The following ZNF782 variants were observed in gnomAD, a reference collection of about 807,000 sequenced individuals.
The protein encoded by ZNF782 is zinc finger protein 782.
In ZNF782, 12 loss-of-function variants were observed where a neutral mutation model predicts 13.0. The observed-to-expected ratio is 0.92, with a 90% CI of 0.59 to 1.50. The LOEUF is 1.50. Among genes scored for constraint, ZNF782 ranks in the 40% most tolerant of loss-of-function variants. The pLI is 0.00. For synonymous variants in ZNF782, 284 were observed against 283.0 expected (o/e 1.00, Z -0.04); for missense variants, 770 against 822.9 (o/e 0.94, Z 0.79).
At chr9:96,920,233 A>ATT in the ZNF782 span, among the ~76,000 whole-genome samples, 3 of 149,470 alleles carry the variant, frequency 2.0e-5, no homozygotes, top group Admixed American at 6.7e-5. Flanking sequence ...CTCTAAATGC[A>ATT]GTGGATAGGT....
chr9:96,850,204 G>A lies in ZNF782; in HGVS notation c.15+1743C>T, dbSNP rs1851448500. On this transcript the variant is annotated intron_variant, in intron 3 of 5. Transcript: ENST00000481138. The surrounding 1 kb of genome is among the most constrained non-coding windows in gnomAD (Gnocchi z 4.3). ...GTCATCATAAATGAAAAAGAAACCA[G>A]CACACGTTTGTAGCAGCACGATTCA... 6.6e-6 allele frequency among the ~76,000 whole-genome samples: 1 copy of A among 152,148 alleles called. No individual in the cohort carries two copies.
chr9:96,912,032 A>T, the ZNF782 span, among the ~76,000 whole-genome samples: 1 of 149,600 alleles, frequency 6.7e-6, no homozygotes, highest in Admixed American at 6.6e-5. Flanking sequence ...AAACCCTATC[A>T]CTACTAAAAA....
In ZNF782 at chr9:96,816,774, T is replaced by C. The variant is rs1483574414; in HGVS notation, c.*1149A>G. ...GTCTGTGTGTGTGAAGAATTTCCTA[T>C]ATTTGTTAAAATGTCAGATTTCTTA... On this transcript the variant is annotated 3_prime_UTR_variant, in exon 6 of 6. Coordinates refer to ENST00000481138, the MANE Select transcript of ZNF782 (RefSeq NM_001001662.3). The C allele has an allele frequency of 3.3e-5, 5 of 152,304 alleles. No homozygotes were observed. The highest frequency in any genetic ancestry group is 7.2e-5 in the African/African-American group (3 of 41,554). The allele number at this position is 152,304 out of a possible 1,614,324, so 9.4% of individuals were successfully genotyped here. A position where few individuals can be genotyped will look rare whatever the true frequency, so the allele number is the denominator to read the frequency against.
intron 1 of ZNF782, among the ~76,000 whole-genome samples, chr9:96,863,114 C>T (rs1851721558): frequency 6.6e-6 from 1 of 151,924 alleles, no homozygotes; most frequent in Non-Finnish European, 1.5e-5. Flanking sequence ...CAACAAAGTA[C>T]TTAACATACA....
At chr9:96,929,118 G>T in the ZNF782 span, 1 of 1,592,862 alleles carries the variant, frequency 6.3e-7, no homozygotes, top group Non-Finnish European at 8.6e-7. Flanking sequence ...AACTGTCCCT[G>T]GGGACAGCTT....
the ZNF782 span, chr9:96,931,928 G>T: frequency 6.2e-7 from 1 of 1,612,036 alleles, no homozygotes. Context: ...CGGCCCAAGT[G>T]GGGCTGGGGC....
chr9:96,873,194 C>A (rs1851848018), intron 1 of ZNF782, among the ~76,000 whole-genome samples: 1 of 151,950 alleles, frequency 6.6e-6, no homozygotes, highest in Admixed American at 6.6e-5. Flanking sequence ...AAGGTAAAAT[C>A]TTTAAATAAC....
At chr9:96,822,280 TA>T (rs1440324745) in intron 5 of ZNF782, among the ~76,000 whole-genome samples, 1 of 152,030 alleles carries the variant, frequency 6.6e-6, no homozygotes, top group Non-Finnish European at 1.5e-5. Flanking sequence ...ACAATATTAT[TA>T]AAAATACTTA....
At chr9:96,823,905 A>G (rs1415864451) in intron 5 of ZNF782, among the ~76,000 whole-genome samples, 1 of 152,174 alleles carries the variant, frequency 6.6e-6, no homozygotes, top group Non-Finnish European at 1.5e-5. Flanking sequence ...AATTGTGGCA[A>G]TAATCAATAG....
chr9:96,885,288 A>T, the ZNF782 span, among the ~76,000 whole-genome samples: 1,403 of 152,260 alleles, frequency 9.2e-3, 52 homozygotes, highest in East Asian at 0.1. Context: ...CACCAAAGAA[A>T]CAAAAATTAC....
At chr9:96,844,783 C>T in intron 4 of ZNF782, 107 bp downstream of exon 4, 1 of 1,519,484 alleles carries the variant, frequency 6.6e-7, no homozygotes, top group Admixed American at 1.8e-5. Context: ...AAAAGGAAAA[C>T]CAGAATTGCA....
rs1189814675 is a variant in ZNF782 at position 96,844,963 on chromosome 9, C to A, written c.69G>T (p.Gln23His). ...VTVEFSQEEWQHMGPVERTLY... is the reference protein window; with the variant it reads ...VTVEFSQEEWHHMGPVERTLY... ...GGGTCCTCTCAACAGGGCCCATGTG[C>A]TGCCACTCCTCCTGGCTGAATTCCA... is the stretch of plus-strand genomic sequence containing the variant. Residue 23 changes from glutamine (Q) to histidine (H), a missense_variant, in exon 4 of 6, where the codon CAG becomes CAT. By Grantham distance (24) the Gln-to-His change is conservative. Coordinates refer to ENST00000481138, the MANE Select transcript of ZNF782 (RefSeq NM_001001662.3). 6.2e-7 allele frequency: 1 copy of A among 1,614,036 alleles called. No individual in the cohort carries two copies. The highest frequency in any genetic ancestry group is 1.7e-5 in the Admixed American group (1 of 60,022).
chr9:96,931,702 T>C, the ZNF782 span: 1 of 1,611,186 alleles, frequency 6.2e-7, no homozygotes, highest in Non-Finnish European at 8.5e-7. Context: ...CTCATTCACC[T>C]CTTTCCTTTG....
chr9:96,894,811 T>C, the ZNF782 span: 1 of 152,320 alleles, frequency 6.6e-6, no homozygotes, highest in Non-Finnish European at 1.5e-5. Context: ...CACTGTACCC[T>C]CAAACTCCTG....
Position 96,818,645 on chromosome 9 carries a change from T to A in ZNF782, c.1378A>T (p.Asn460Tyr). 2 of 1,613,920 alleles carry A rather than the reference T, an allele frequency of 1.2e-6. No individual in the cohort carries two copies. Among genetic ancestry groups the A allele is most frequent in the Non-Finnish European group, 1.7e-6 (2 of 1,179,972 alleles). Residue 460 changes from asparagine (N) to tyrosine (Y), a missense_variant, in exon 6 of 6, where the codon AAC becomes TAC. Asn to Tyr is a moderately radical substitution (Grantham distance 143). Transcript: ENST00000481138. ...FECHECGKSF[N>Y]YKSILIVHQR... ...TGCACTATGAGGATTGACTTATAGTTAAAAGATTTCCCACATTCATGACAT... is the reference window on the plus strand; with the variant it reads ...TGCACTATGAGGATTGACTTATAGTAAAAAGATTTCCCACATTCATGACAT...
upstream of ZNF782, among the ~76,000 whole-genome samples, chr9:96,879,386 C>T (rs1241664338): frequency 6.6e-6 from 1 of 152,174 alleles, no homozygotes; most frequent in East Asian, 1.9e-4. Flanking sequence ...GCCTGTAGTC[C>T]CAGCTACTCG....
At chr9:96,869,803 T>C (rs1489216658) in intron 1 of ZNF782, among the ~76,000 whole-genome samples, 1 of 152,208 alleles carries the variant, frequency 6.6e-6, no homozygotes, top group Non-Finnish European at 1.5e-5. Flanking sequence ...ATTAGACTTA[T>C]TTGACATTCC....
chr9:96,819,750 C>T lies in ZNF782; in HGVS notation c.273G>A (p.Glu91=). 3.1e-6 allele frequency: 5 copies of T among 1,605,948 alleles called. No homozygotes were observed. The highest frequency in any genetic ancestry group is 4.2e-6 in the Non-Finnish European group (5 of 1,177,142). ...PEDSQPDEIS[E]KSPENQGKHL... Reference sequence around the variant, plus strand: ...GTTTGCCTTGATTTTCTGGGCTCTTCTCTGAGATTTCATCAGGTTGGGAGT... The same window carrying T: ...GTTTGCCTTGATTTTCTGGGCTCTTTTCTGAGATTTCATCAGGTTGGGAGT... Residue 91 remains glutamate, a synonymous_variant, in exon 6 of 6, where the codon GAG becomes GAA. Coordinates refer to ENST00000481138, the MANE Select transcript of ZNF782 (RefSeq NM_001001662.3).
chr9:96,818,123 T>C lies in ZNF782; in HGVS notation c.1900A>G (p.Arg634Gly), dbSNP rs1850238403. The change falls in exon 6 of 6, where the codon AGA becomes GGA. Residue 634 changes from arginine (R) to glycine (G), a missense_variant. Arg to Gly is a moderately radical substitution (Grantham distance 125). Coordinates refer to ENST00000481138, the MANE Select transcript of ZNF782 (RefSeq NM_001001662.3). The part of the protein sequence containing the change: ...GKAFSEKSVL[R>G]KHQRTHTGEK... ...CCGGTGTGAGTTCGCTGATGTTTTC[T>C]TAGGACTGACTTCTCACTGAAAGCT... The C allele has an allele frequency of 6.2e-7, 1 of 1,614,106 alleles. No individual in the cohort carries two copies.
Sources: allele counts gnomAD v4.1 joint callset (sites outside exome capture counted in the v4.1 genomes callset), GRCh38; gene constraint gnomAD v4.1.1; non-coding constraint Gnocchi (gnomAD v3.1); transcripts MANE v1.5; gene names NCBI Gene and HGNC (gene_info 2026-07-23, HGNC 2026-07-21).